Variants in MDGA2 observed in about 807,000 individuals in gnomAD.
MDGA2 encodes the protein MAM domain containing glycosylphosphatidylinositol anchor 2, also known as MAM domain-containing glycosylphosphatidylinositol anchor protein 2.
A neutral mutation model predicts 117.8 loss-of-function variants in MDGA2; 40 were observed. The ratio of observed to expected loss-of-function variants is 0.34; its 90% CI spans 0.26 to 0.44. The LOEUF (loss-of-function observed/expected upper bound fraction) is 0.44, where lower values mean the gene tolerates loss of function less well. Among genes scored for constraint, MDGA2 ranks in the 20% least tolerant of loss-of-function variants. The pLI is 1.00. For missense variants in MDGA2, 1,123 were observed against 1,250.6 expected, an observed-to-expected ratio of 0.90 and a Z score of 1.54; for synonymous variants, 452 against 439.0, an observed-to-expected ratio of 1.03 and a Z score of -0.37.
intron 4 of MDGA2, among the ~76,000 whole-genome samples, chr14:47,140,778 G>A (rs1012637029): frequency 1.3e-5 from 2 of 152,128 alleles, no homozygotes; most frequent in Middle Eastern, 3.4e-3. Context: ...CTGGGGACAG[G>A]CAACTGAAAC....
In MDGA2 at chr14:47,159,575, A is replaced by G. The variant is rs77102402; in HGVS notation, c.596-15301T>C. Among the ~76,000 whole-genome samples the G allele has an allele frequency of 4.0e-3, 603 of 152,282 alleles. 15 individuals carry two copies. In the East Asian group the frequency reaches 0.085, roughly 21 times the overall value. The stretch of plus-strand genomic sequence containing the variant: ...TTCCAAAAGGAATGTACATTTCACC[A>G]CAAGCATATGAGTATTCTTCTTCCT... On this transcript the variant is annotated intron_variant, in intron 3 of 16. Transcript: ENST00000399232.
intron 2 of MDGA2, among the ~76,000 whole-genome samples, chr14:47,231,484 G>C (rs916210313): frequency 5.3e-5 from 8 of 152,024 alleles, no homozygotes; most frequent in African/African-American, 1.9e-4. Context: ...AATTTAGGTA[G>C]ATCAGGAAAC....
chr14:47,611,764 C>T (rs540908411), intron 1 of MDGA2, among the ~76,000 whole-genome samples: 1 of 152,260 alleles, frequency 6.6e-6, no homozygotes, highest in East Asian at 1.9e-4. Context: ...GCTTGGAAAG[C>T]CACATGCCAA....
At chr14:47,322,593 T>C (rs114349059) in intron 1 of MDGA2, among the ~76,000 whole-genome samples, 1 of 152,236 alleles carries the variant, frequency 6.6e-6, no homozygotes, top group African/African-American at 2.4e-5. Flanking sequence ...GGCAGGACTT[T>C]TAATATGACA....
intron 9 of MDGA2, among the ~76,000 whole-genome samples, chr14:46,932,216 T>G (rs1483313154): frequency 2.6e-5 from 4 of 151,866 alleles, no homozygotes; most frequent in Non-Finnish European, 5.9e-5. Context: ...CGATAGTAAT[T>G]AAAATTATGG....
chr14:47,601,534 T>C (rs1896648273), intron 1 of MDGA2, among the ~76,000 whole-genome samples: 1 of 152,158 alleles, frequency 6.6e-6, no homozygotes, highest in Admixed American at 6.6e-5. Flanking sequence ...GTTACTAGTG[T>C]AGGATAAAAC....
At chr14:47,434,912 G>A (rs1428589412) in intron 1 of MDGA2, among the ~76,000 whole-genome samples, 16 of 152,086 alleles carry the variant, frequency 1.1e-4, no homozygotes, top group Admixed American at 9.8e-4. Flanking sequence ...AAGGTGGGTG[G>A]ATCACTTGAC....
intron 1 of MDGA2, among the ~76,000 whole-genome samples, chr14:47,407,343 G>A (rs1342478818): frequency 6.6e-6 from 1 of 151,954 alleles, no homozygotes; most frequent in East Asian, 1.9e-4. Context: ...TACTTTTCAA[G>A]CTTAAAATGG....
At chr14:47,254,851 C>T (rs974198083) in intron 2 of MDGA2, among the ~76,000 whole-genome samples, 1 of 152,160 alleles carries the variant, frequency 6.6e-6, no homozygotes, top group Non-Finnish European at 1.5e-5. Flanking sequence ...CCTCAGGAAA[C>T]TTACAATCAT....
Position 47,132,091 on chromosome 14 carries a change from C to T in MDGA2, c.793-245G>A, listed in dbSNP as rs565345109. 8.6e-5 allele frequency among the ~76,000 whole-genome samples: 13 copies of T among 152,008 alleles called. No homozygotes were observed. In the East Asian group the frequency reaches 2.3e-3, roughly 27 times the overall value. The stretch of plus-strand genomic sequence containing the variant: ...CCTGGAGATAAAAACTAACAGACTA[C>T]AATGAAAATTCATAACATTTTCTTT... On this transcript the variant is annotated intron_variant, in intron 4 of 16. Coordinates refer to ENST00000399232, the MANE Select transcript of MDGA2 (RefSeq NM_001113498.3).
chr14:47,625,126 T>C lies in MDGA2; in HGVS notation c.280+49391A>G, dbSNP rs117865729. 7.4e-3 allele frequency among the ~76,000 whole-genome samples: 1,134 copies of C among 152,278 alleles called. 9 individuals carry two copies. The highest frequency in any genetic ancestry group is 0.013 in the Non-Finnish European group (895 of 68,012). On this transcript the variant is annotated intron_variant, in intron 1 of 16. Coordinates refer to ENST00000399232, the MANE Select transcript of MDGA2 (RefSeq NM_001113498.3). ...TTGTATAGGTAGTAAGTGACAAATC[T>C]ATGGTTCCTTTTACACAACAGGTTA...
At chr14:47,087,871 T>C (rs1340996477) in intron 6 of MDGA2, among the ~76,000 whole-genome samples, 1 of 151,890 alleles carries the variant, frequency 6.6e-6, no homozygotes, top group East Asian at 1.9e-4. Flanking sequence ...ATGTTAATAT[T>C]TGAATAAAAT....
chr14:46,975,631 C>G (rs1886427409), intron 8 of MDGA2, among the ~76,000 whole-genome samples: 1 of 152,036 alleles, frequency 6.6e-6, no homozygotes. Context: ...ACATAGAGTA[C>G]TTAGAGAAGT....
chr14:47,402,357 AAGAG>A (rs35758519), intron 1 of MDGA2, among the ~76,000 whole-genome samples: 16 of 137,880 alleles, frequency 1.2e-4, no homozygotes, highest in South Asian at 5.1e-4. Flanking sequence ...CCGCAAAAAA[AAGAG>A]AGAGAGAGAC....
intron 1 of MDGA2, among the ~76,000 whole-genome samples, chr14:47,572,929 TA>T (rs1379349332): frequency 2.0e-5 from 3 of 152,200 alleles, no homozygotes; most frequent in African/African-American, 4.8e-5. Flanking sequence ...AAATGCTCTT[TA>T]TTTTTTGGTT....
At chr14:46,956,940 C>A (rs1011879567) in intron 9 of MDGA2, among the ~76,000 whole-genome samples, 3 of 152,080 alleles carry the variant, frequency 2.0e-5, no homozygotes, top group African/African-American at 7.2e-5. Context: ...CTCTTTGCTG[C>A]CACCATGTGA....
At chr14:47,573,599 C>T (rs1247206478) in intron 1 of MDGA2, among the ~76,000 whole-genome samples, 4 of 152,094 alleles carry the variant, frequency 2.6e-5, no homozygotes, top group African/African-American at 7.2e-5. Flanking sequence ...CTAATGTGCT[C>T]GGGTATTCTG....
At chr14:47,480,742 T>C (rs1361000936) in intron 1 of MDGA2, among the ~76,000 whole-genome samples, 2 of 151,938 alleles carry the variant, frequency 1.3e-5, no homozygotes, top group African/African-American at 4.8e-5. Flanking sequence ...AAACCTAGCA[T>C]TGAAGATTCA....
At chr14:46,956,275 T>C (rs1189930423) in intron 9 of MDGA2, among the ~76,000 whole-genome samples, 2 of 152,068 alleles carry the variant, frequency 1.3e-5, no homozygotes, top group Non-Finnish European at 2.9e-5. Flanking sequence ...CAACTAACTT[T>C]ACCTATGACA....
Sources: allele counts gnomAD v4.1 joint callset (sites outside exome capture counted in the v4.1 genomes callset), GRCh38; gene constraint gnomAD v4.1.1; transcripts MANE v1.5; gene names NCBI Gene and HGNC (gene_info 2026-07-23, HGNC 2026-07-21).